Variants in TMEM91 observed in about 807,000 individuals in gnomAD.
TMEM91 encodes dispanin subfamily C member 3.
In TMEM91, 6 loss-of-function variants were observed where a neutral mutation model predicts 13.3. The ratio of observed to expected loss-of-function variants is 0.45; its 90% CI spans 0.25 to 0.89. The LOEUF (loss-of-function observed/expected upper bound fraction) is 0.89, where lower values mean the gene tolerates loss of function less well. TMEM91 is among the 40% of genes least tolerant of loss of function. The pLI, the probability that TMEM91 is intolerant of heterozygous loss-of-function variation, is 0.19. For missense variants in TMEM91, 193 were observed against 228.7 expected, an observed-to-expected ratio of 0.84 and a Z score of 1.01; for synonymous variants, 87 against 101.7, an observed-to-expected ratio of 0.86 and a Z score of 0.87.
chr19:41,379,888 C>CTTT (rs59525203), intron 2 of TMEM91, among the ~76,000 whole-genome samples: 1,078 of 75,130 alleles, frequency 0.014, 34 homozygotes, highest in African/African-American at 0.058. Flanking sequence ...TTAGGGCTTC[C>CTTT]TTTTTTTTTT....
chr19:41,365,095 AGTCTT>A (rs1237734249), intron 1 of TMEM91, among the ~76,000 whole-genome samples: 1 of 150,054 alleles, frequency 6.7e-6, no homozygotes, highest in Non-Finnish European at 1.5e-5. Context: ...TATGTTGCCC[AGTCTT>A]GTCTTGACCT....
upstream of TMEM91, chr19:41,364,011 C>T (rs1340186108): frequency 5.0e-6 from 1 of 199,012 alleles, no homozygotes; most frequent in Non-Finnish European, 1.1e-5. Flanking sequence ...GGTTGTAGTT[C>T]ATGGGCTTGA....
intron 2 of TMEM91, among the ~76,000 whole-genome samples, chr19:41,379,629 A>G (rs982998061): frequency 3.3e-5 from 5 of 151,472 alleles, no homozygotes; most frequent in African/African-American, 1.2e-4. Flanking sequence ...GAGAGAAAGA[A>G]GGAAGGAAGA....
chr19:41,378,559 G>A (rs760688651), intron 2 of TMEM91, 40 bp downstream of exon 2: 1 of 1,606,020 alleles, frequency 6.2e-7, no homozygotes, highest in South Asian at 1.1e-5. Flanking sequence ...ACGGGAGGGG[G>A]CTGGGGTGAG....
chr19:41,369,649 A>G (rs906651397), intron 1 of TMEM91, among the ~76,000 whole-genome samples: 1 of 151,768 alleles, frequency 6.6e-6, no homozygotes, highest in Admixed American at 6.6e-5. Flanking sequence ...TCCTAAAACT[A>G]CAAAAAAAAT....
intron 1 of TMEM91, among the ~76,000 whole-genome samples, chr19:41,364,900 G>A (rs1193121184): frequency 6.6e-6 from 1 of 151,392 alleles, no homozygotes; most frequent in Admixed American, 6.6e-5. Flanking sequence ...TCCTTAAAAG[G>A]GTCTCACTCT....
At chr19:41,376,115 G>T (rs971031606), upstream of TMEM91, 1 of 138,098 alleles carries the variant, frequency 7.2e-6, no homozygotes, top group African/African-American at 2.7e-5. Flanking sequence ...GCAAGACTCC[G>T]TCTCAAAAAC....
In TMEM91 at chr19:41,380,501, G is replaced by A. The variant is rs138275436; in HGVS notation, c.210+1982G>A. Among the ~76,000 whole-genome samples the A allele has an allele frequency of 4.1e-3, 625 of 152,248 alleles. 1 individual carries two copies. Among genetic ancestry groups the A allele is most frequent in the Non-Finnish European group, 6.7e-3 (455 of 68,024 alleles). On this transcript the variant is annotated intron_variant, in intron 2 of 3. Coordinates refer to ENST00000392002, the MANE Select transcript of TMEM91 (RefSeq NM_001098821.2). The stretch of plus-strand genomic sequence containing the variant: ...GTAAGAAAAGCATGTGGGGCCGGGC[G>A]CTGTGGCTCATGCCTGTAATCCCAG...
chr19:41,376,047 G>T (rs1427325062), upstream of TMEM91, among the ~76,000 whole-genome samples: 1 of 152,072 alleles, frequency 6.6e-6, no homozygotes, highest in African/African-American at 2.4e-5. Context: ...TTGAACCCGG[G>T]AAGCGGAGGT....
rs1413081289 is a variant in TMEM91, at chr19:41,384,041, G to A, written c.*168G>A. The A allele has an allele frequency of 2.7e-5, 34 of 1,242,398 alleles. No homozygotes were observed. Among genetic ancestry groups the A allele is most frequent in the Admixed American group, 3.4e-5 (1 of 29,790 alleles). The allele number at this position is 1,242,398 out of a possible 1,614,324, so 77.0% of individuals were successfully genotyped here. A position where few individuals can be genotyped will look rare whatever the true frequency, so the allele number is the denominator to read the frequency against. On this transcript the variant is annotated 3_prime_UTR_variant, in exon 4 of 4. Transcript: ENST00000392002. ...CCTTCCTGGCCACCGCTCTTCGGGC[G>A]GCAGCAACCTGAGATTAAACACCAG...
chr19:41,383,256 G>A (rs1306646168), intron 3 of TMEM91: 13 of 387,616 alleles, frequency 3.4e-5, no homozygotes, highest in Admixed American at 4.2e-5. Flanking sequence ...GTTTCACCAC[G>A]TTGGCCACGC....
chr19:41,369,415 GA>G (rs2123162856), intron 1 of TMEM91, among the ~76,000 whole-genome samples: 1 of 151,862 alleles, frequency 6.6e-6, no homozygotes, highest in South Asian at 2.1e-4. Context: ...GCTGAAGCCG[GA>G]GGATGCCTTG....
Position 41,381,076 on chromosome 19 carries a change from C to CAAAAA in TMEM91, c.211-1675_211-1671dup, listed in dbSNP as rs1166323642. Reference sequence around the variant, plus strand: ...CTCCAGCCTGGGCAAGACTCTGTCTCAAAAAAAAAAAAAAAAAAAAAAAAA... The same window carrying CAAAAA: ...CTCCAGCCTGGGCAAGACTCTGTCTCAAAAAAAAAAAAAAAAAAAAAAAAAAAAAA... On this transcript the variant is annotated intron_variant, in intron 2 of 3. Coordinates refer to ENST00000392002, the MANE Select transcript of TMEM91 (RefSeq NM_001098821.2). Among the ~76,000 whole-genome samples the CAAAAA allele has an allele frequency of 5.9e-4, 31 of 52,786 alleles. 2 individuals carry two copies. Among genetic ancestry groups the CAAAAA allele is most frequent in the African/African-American group, 2.0e-3 (30 of 14,674 alleles). The allele number at this position is 52,786 out of a possible 152,430, so 34.6% of individuals were successfully genotyped here.
At position 41,377,946 on chromosome 19, in the gene TMEM91, G is replaced by A. The variant is rs570438558; in HGVS notation, c.-29-335G>A. On this transcript the variant is annotated intron_variant, in intron 1 of 3. Coordinates refer to ENST00000392002, the MANE Select transcript of TMEM91 (RefSeq NM_001098821.2). Reference sequence around the variant, plus strand: ...GCAGAATGGTTTGAACCCGGGAGGTGGAGGCTGCAGTGTGCTGAGATCATG... The same window carrying A: ...GCAGAATGGTTTGAACCCGGGAGGTAGAGGCTGCAGTGTGCTGAGATCATG... 2.0e-5 allele frequency among the ~76,000 whole-genome samples: 3 copies of A among 151,780 alleles called. No homozygotes were observed. In the East Asian group the frequency reaches 5.8e-4, roughly 29 times the overall value.
At chr19:41,372,025 A>AT (rs946364509), upstream of TMEM91, among the ~76,000 whole-genome samples, 8 of 133,176 alleles carry the variant, frequency 6.0e-5, no homozygotes, top group East Asian at 2.2e-4. Context: ...TGCTCGGCTA[A>AT]TTTTTTTTTA....
In TMEM91 at chr19:41,381,343, C is replaced by T. The variant is rs946529553; in HGVS notation, c.211-1429C>T. ...AGTAGCTGAGACTACAGGCACAAGACACCATGCCTAGCTAATTTTTTTTTT... is the reference window on the plus strand; with the variant it reads ...AGTAGCTGAGACTACAGGCACAAGATACCATGCCTAGCTAATTTTTTTTTT... On this transcript the variant is annotated intron_variant, in intron 2 of 3. Coordinates refer to ENST00000392002, the MANE Select transcript of TMEM91 (RefSeq NM_001098821.2). 4.0e-5 allele frequency among the ~76,000 whole-genome samples: 6 copies of T among 148,746 alleles called. No individual in the cohort carries two copies. In the East Asian group the frequency reaches 1.2e-3, roughly 29 times the overall value.
At chr19:41,376,200 G>A (rs999029571), upstream of TMEM91, 2 of 152,264 alleles carry the variant, frequency 1.3e-5, no homozygotes, top group Admixed American at 1.3e-4. Flanking sequence ...ACCCGGAGCT[G>A]AGAGGAAGAA....
intron 2 of TMEM91, 74 bp downstream of exon 2, chr19:41,378,593 A>G: frequency 6.6e-7 from 1 of 1,513,856 alleles, no homozygotes; most frequent in African/African-American, 1.4e-5. Flanking sequence ...AGCATCTGGC[A>G]GGTTGACAGC....
In TMEM91 at chr19:41,383,816, G is replaced by A. The variant is rs1357398278; in HGVS notation, c.462G>A (p.Thr154=). ...GVLAVGLGVC[T]YAAALVTLAA... ...TCGCCGTCGGGCTGGGCGTGTGCAC[G>A]TATGCGGCTGCCCTGGTGACCCTGG... Residue 154 remains threonine, a synonymous_variant, in exon 4 of 4, where the codon ACG becomes ACA. Coordinates refer to ENST00000392002, the MANE Select transcript of TMEM91 (RefSeq NM_001098821.2). 15 of 1,610,682 alleles carry A rather than the reference G, an allele frequency of 9.3e-6. No individual in the cohort carries two copies. Among genetic ancestry groups the A allele is most frequent in the Non-Finnish European group, 1.2e-5 (14 of 1,178,434 alleles).
Sources: gnomAD v4.1 joint callset for allele counts (sites outside exome capture counted in the v4.1 genomes callset) on GRCh38, gnomAD v4.1.1 for gene constraint, MANE v1.5 for transcripts, NCBI Gene and HGNC (gene_info 2026-07-23, HGNC 2026-07-21) for gene names.